Variants in MTUS1 observed in about 807,000 individuals in gnomAD.
MTUS1 encodes the protein microtubule-associated tumor suppressor 1.
MTUS1 carries 109 observed loss-of-function variants against 120.8 expected under a neutral mutation model. The ratio of observed to expected loss-of-function variants is 0.90; its 90% CI spans 0.77 to 1.06. The LOEUF (loss-of-function observed/expected upper bound fraction) is 1.06, where lower values mean the gene tolerates loss of function less well. Among genes scored for constraint, MTUS1 ranks in the 50% least tolerant of loss-of-function variants. MTUS1 has a pLI of 0.00. For synonymous variants in MTUS1, 737 were observed against 550.5 expected, an observed-to-expected ratio of 1.34 and a Z score of -4.74; for missense variants, 2,210 against 1,486.3, an observed-to-expected ratio of 1.49 and a Z score of -8.01.
chr8:17,678,008 G>A (rs937321774), intron 7 of MTUS1, among the ~76,000 whole-genome samples: 4 of 151,966 alleles, frequency 2.6e-5, no homozygotes, highest in African/African-American at 9.7e-5. Flanking sequence ...CAATTCTTTT[G>A]GTCATCTATC....
At chr8:17,652,782 G>A (rs552488462) in intron 12 of MTUS1, among the ~76,000 whole-genome samples, 6 of 151,318 alleles carry the variant, frequency 4.0e-5, no homozygotes, top group African/African-American at 1.5e-4. Context: ...GTTGCAGTGA[G>A]CCGAGATCAC....
At chr8:17,691,027 A>G (rs139912704) in intron 6 of MTUS1, among the ~76,000 whole-genome samples, 1 of 152,314 alleles carries the variant, frequency 6.6e-6, no homozygotes, top group African/African-American at 2.4e-5. Flanking sequence ...ATTATCTATT[A>G]ATTAACCAGA....
intron 6 of MTUS1, among the ~76,000 whole-genome samples, chr8:17,707,196 T>C (rs1406097103): frequency 2.0e-5 from 3 of 152,194 alleles, no homozygotes; most frequent in Non-Finnish European, 4.4e-5. Context: ...TCACAGAATA[T>C]CACAGTAGGG....
At position 17,703,937 on chromosome 8, in the gene MTUS1, T is replaced by C. The variant is rs576959027; in HGVS notation, c.2623+9277A>G. On this transcript the variant is annotated intron_variant, in intron 6 of 14. Transcript: ENST00000693296. The stretch of plus-strand genomic sequence containing the variant: ...TGACGTACTCCCTGTTCATACACCC[T>C]CTCCCCTTTTCAAATCCCTAATAAA... 4 of 152,264 alleles carry C rather than the reference T, an allele frequency of 2.6e-5. No individual in the cohort carries two copies. The East Asian group carries it at 7.8e-4, about 30-fold the overall frequency. 9.4% of individuals were successfully genotyped at this position (152,264 alleles called of 1,614,324 possible).
At chr8:17,741,691 G>A (rs1232524490) in intron 3 of MTUS1, among the ~76,000 whole-genome samples, 1 of 152,098 alleles carries the variant, frequency 6.6e-6, no homozygotes. Flanking sequence ...ATGTATCCTG[G>A]GTACTGGCCT....
chr8:17,714,183 G>C (rs1021392863), intron 5 of MTUS1, among the ~76,000 whole-genome samples: 2 of 152,090 alleles, frequency 1.3e-5, no homozygotes, highest in Non-Finnish European at 2.9e-5. Flanking sequence ...TAACTCCCTA[G>C]GCAAATGACA....
intron 2 of MTUS1, among the ~76,000 whole-genome samples, chr8:17,751,884 A>AGC (rs1445291355): frequency 2.1e-5 from 3 of 145,154 alleles, no homozygotes; most frequent in East Asian, 2.1e-4. Flanking sequence ...AAAAAAAAAA[A>AGC]AAGAAAGCAA....
chr8:17,755,453 G>C lies in MTUS1; in HGVS notation c.355C>G (p.His119Asp). 1 of 1,614,178 alleles carries C rather than the reference G, an allele frequency of 6.2e-7. No homozygotes were observed. The highest frequency in any genetic ancestry group is 1.3e-5 in the African/African-American group (1 of 75,058). ...ACTGCTTCTAGGGAATGACAACTGT[G>C]TTGCAGATATTTGGGCTTCTCAGTA... ...VGTEKPKYLQHSCHSLEAVEG... is the reference protein window; with the variant it reads ...VGTEKPKYLQDSCHSLEAVEG... Residue 119 changes from histidine to aspartate, a missense_variant, in exon 2 of 15, where the codon CAC (histidine) becomes GAC (aspartate). Coordinates refer to ENST00000693296, the MANE Select transcript of MTUS1 (RefSeq NM_001363059.2).
At chr8:17,713,374 G>T in intron 5 of MTUS1, 122 bp from the exon 6 acceptor site, 1 of 636,764 alleles carries the variant, frequency 1.6e-6, no homozygotes, top group South Asian at 2.2e-5. Context: ...GGTTCCCGGT[G>T]GGAAATATCA....
intron 8 of MTUS1, among the ~76,000 whole-genome samples, chr8:17,656,384 C>T (rs376535971): frequency 3.3e-5 from 5 of 151,828 alleles, no homozygotes; most frequent in East Asian, 1.9e-4. Flanking sequence ...AAAAATTAGC[C>T]GGGCATGGTA....
chr8:17,646,015 G>A lies in MTUS1; in HGVS notation c.3724C>T (p.Pro1242Ser). 2 of 1,613,648 alleles carry A rather than the reference G, an allele frequency of 1.2e-6. No homozygotes were observed. Among genetic ancestry groups the A allele is most frequent in the Non-Finnish European group, 8.5e-7 (1 of 1,179,958 alleles). Residue 1242 changes from proline to serine, a missense_variant, in exon 15 of 15, where the codon CCC becomes TCC. Pro to Ser is a moderately conservative substitution (Grantham distance 74). Coordinates refer to ENST00000693296, the MANE Select transcript of MTUS1 (RefSeq NM_001363059.2). ...WKLHNGDLCSPKRSPTSSAIP... is the reference protein window; with the variant it reads ...WKLHNGDLCSSKRSPTSSAIP... ...GCGGAGGATGTGGGGGATCTCTTGG[G>A]GCTACACAGGTCCCCATTGTGCAGT...
chr8:17,777,121 AC>A (rs1289777760), intron 1 of MTUS1, among the ~76,000 whole-genome samples: 1 of 151,784 alleles, frequency 6.6e-6, no homozygotes, highest in African/African-American at 2.4e-5. Context: ...CAATTTTCCC[AC>A]CCCCAGCATT....
At position 17,754,300 on chromosome 8, in the gene MTUS1, G is replaced by C. The variant is rs187072799; in HGVS notation, c.1508C>G (p.Pro503Arg). ...TTTGACATTCTTGAAGTTTGGTCTT[G>C]GGTAACTTATAATTTCAGTTTTTCT... The part of the protein sequence containing the change: ...KVRKTEIISY[P>R]RPNFKNVKAK... Residue 503 changes from proline to arginine, a missense_variant, in exon 2 of 15, where the codon CCA (proline) becomes CGA (arginine). Coordinates refer to ENST00000693296, the MANE Select transcript of MTUS1 (RefSeq NM_001363059.2). 1,479 of 1,613,980 alleles carry C rather than the reference G, an allele frequency of 9.2e-4. 3 individuals are homozygous for C. Among genetic ancestry groups the C allele is most frequent in the Admixed American group, 3.0e-3 (178 of 59,998 alleles).
At chr8:17,760,248 A>G (rs1225695823) in intron 1 of MTUS1, among the ~76,000 whole-genome samples, 1 of 152,084 alleles carries the variant, frequency 6.6e-6, no homozygotes, top group African/African-American at 2.4e-5. Flanking sequence ...AACAAATTTC[A>G]AATTGGTGAG....
intron 1 of MTUS1, chr8:17,770,286 A>G (rs980179353): frequency 1.3e-5 from 2 of 152,188 alleles, no homozygotes; most frequent in African/African-American, 4.8e-5. Context: ...GTAATCTAAT[A>G]AAGTATGATA....
intron 12 of MTUS1, among the ~76,000 whole-genome samples, chr8:17,652,655 G>C (rs532466357): frequency 1.3e-4 from 19 of 151,988 alleles, no homozygotes; most frequent in Non-Finnish European, 2.6e-4. Flanking sequence ...GGGCAACATG[G>C]TAAAATCCCA....
At chr8:17,647,288 C>T (rs1806020416) in intron 13 of MTUS1, 1 of 502,944 alleles carries the variant, frequency 2.0e-6, no homozygotes. Flanking sequence ...ACATGTATGC[C>T]AGGACACTTA....
intron 2 of MTUS1, among the ~76,000 whole-genome samples, chr8:17,753,349 C>T (rs2048336249): frequency 6.6e-6 from 1 of 152,008 alleles, no homozygotes; most frequent in South Asian, 2.1e-4. Context: ...AAATGCTGTC[C>T]AATACATTTT....
intron 7 of MTUS1, among the ~76,000 whole-genome samples, chr8:17,683,404 A>T (rs1815042989): frequency 6.6e-6 from 1 of 152,168 alleles, no homozygotes; most frequent in African/African-American, 2.4e-5. Flanking sequence ...TCTGTATGAA[A>T]CCAGGACAGG....
Sources: allele counts gnomAD v4.1 joint callset (sites outside exome capture counted in the v4.1 genomes callset), GRCh38; gene constraint gnomAD v4.1.1; transcripts MANE v1.5; gene names NCBI Gene and HGNC (gene_info 2026-07-23, HGNC 2026-07-21).